The following TMA16 variants were observed in gnomAD, a reference collection of about 807,000 sequenced individuals.
The protein encoded by TMA16 is translation machinery-associated protein 16.
Under a neutral mutation model 27.1 loss-of-function variants are expected in TMA16, and 26 were observed. The ratio of observed to expected loss-of-function variants is 0.96; its 90% CI spans 0.70 to 1.33. The LOEUF is 1.33. Among genes scored for constraint, TMA16 ranks in the 40% most tolerant of loss-of-function variants. The pLI is 0.00. For missense variants in TMA16, 233 were observed against 241.4 expected (o/e 0.97, Z 0.23); for synonymous variants, 71 against 81.9 (o/e 0.87, Z 0.72).
intron 1 of TMA16, among the ~76,000 whole-genome samples, chr4:163,498,263 T>TAACAGA (rs1553986601): frequency 2.7e-5 from 4 of 149,566 alleles, no homozygotes; most frequent in Non-Finnish European, 5.9e-5. Context: ...TAGAATAAAT[T>TAACAGA]AATAGAATTT....
Position 163,519,411 on chromosome 4 carries a change from C to T in TMA16, c.509C>T (p.Thr170Met), listed in dbSNP as rs748728577. 12 of 1,605,156 alleles carry T rather than the reference C, an allele frequency of 7.5e-6. No homozygotes were observed. The highest frequency in any genetic ancestry group is 1.7e-5 in the Admixed American group (1 of 58,118). Residue 170 changes from threonine (T) to methionine (M), a missense_variant, in exon 7 of 7, where the codon ACG becomes ATG. Thr to Met is a moderately conservative substitution (Grantham distance 81). Coordinates refer to ENST00000358572, the MANE Select transcript of TMA16 (RefSeq NM_018352.3). The stretch of plus-strand genomic sequence containing the variant: ...TGCGCTAATGATGCAATTCCCAAGA[C>T]GTGCAAGAGGAAAACTATTATAACT... ...KICANDAIPK[T>M]CKRKTIITVD...
At chr4:163,511,155 C>A (rs190608298) in intron 2 of TMA16, among the ~76,000 whole-genome samples, 1 of 151,960 alleles carries the variant, frequency 6.6e-6, no homozygotes, top group Non-Finnish European at 1.5e-5. Context: ...AGTGATAGTA[C>A]CATTTTACAT....
intron 6 of TMA16, among the ~76,000 whole-genome samples, chr4:163,518,696 A>G (rs183378531): frequency 6.6e-6 from 1 of 152,254 alleles, no homozygotes; most frequent in African/African-American, 2.4e-5. Flanking sequence ...GAATTCATCT[A>G]TCATGTTTAA....
rs1737943767 is a variant in TMA16, at chr4:163,519,927, A to G, written c.*413A>G. On this transcript the variant is annotated 3_prime_UTR_variant, in exon 7 of 7. Transcript: ENST00000358572. ...ATAATAGCAAAATTGTTTTTCGGTA[A>G]TAATATCACACTAATGCTTCTTTTA... 1.8e-6 allele frequency: 1 copy of G among 562,010 alleles called. No individual in the cohort carries two copies. The highest frequency in any genetic ancestry group is 3.2e-6 in the Non-Finnish European group (1 of 315,500). The allele number at this position is 562,010 out of a possible 1,614,324, so 34.8% of individuals were successfully genotyped here.
chr4:163,498,675 T>C (rs544795039), intron 1 of TMA16, among the ~76,000 whole-genome samples: 2 of 152,144 alleles, frequency 1.3e-5, no homozygotes, highest in South Asian at 4.1e-4. Context: ...ATTAAAAAAC[T>C]TTTTTTAGAG....
At chr4:163,496,157 T>G (rs1476848583) in intron 1 of TMA16, among the ~76,000 whole-genome samples, 2 of 152,164 alleles carry the variant, frequency 1.3e-5, no homozygotes, top group East Asian at 3.9e-4. Context: ...ATAACCTCAT[T>G]AGTGGTTTTG....
At chr4:163,509,740 T>G (rs768027037) in intron 2 of TMA16, among the ~76,000 whole-genome samples, 3 of 152,234 alleles carry the variant, frequency 2.0e-5, no homozygotes, top group Non-Finnish European at 4.4e-5. Context: ...CTAGGATGGT[T>G]TGAAGACTAG....
intron 6 of TMA16, among the ~76,000 whole-genome samples, chr4:163,518,360 G>A (rs1009958969): frequency 1.4e-4 from 22 of 152,146 alleles, no homozygotes; most frequent in African/African-American, 5.3e-4. Flanking sequence ...TCAAGCAATT[G>A]CAGTAAAAAC....
intron 1 of TMA16, among the ~76,000 whole-genome samples, chr4:163,498,366 C>A (rs922144083): frequency 2.0e-5 from 3 of 149,150 alleles, no homozygotes; most frequent in Non-Finnish European, 4.4e-5. Flanking sequence ...CGGCTCACTG[C>A]AAGCTCTGCC....
chr4:163,513,423 C>T (rs941115446), intron 3 of TMA16, among the ~76,000 whole-genome samples: 2 of 152,024 alleles, frequency 1.3e-5, no homozygotes, highest in Non-Finnish European at 2.9e-5. Flanking sequence ...TGTACAGGGC[C>T]GGGTGATTTT....
At chr4:163,506,979 C>T in intron 1 of TMA16, 54 bp from the exon 2 acceptor site, 3 of 1,366,882 alleles carry the variant, frequency 2.2e-6, no homozygotes, top group Non-Finnish European at 3.0e-6. Context: ...ATTTTTGGGA[C>T]TGAAGGCACT....
At chr4:163,510,580 G>A (rs779602338) in intron 2 of TMA16, among the ~76,000 whole-genome samples, 6 of 151,994 alleles carry the variant, frequency 3.9e-5, no homozygotes, top group Non-Finnish European at 7.4e-5. Context: ...CCTTTTATTG[G>A]GAGTATTATT....
At chr4:163,516,985 A>G (rs1579021021) in intron 5 of TMA16, 2 of 156,490 alleles carry the variant, frequency 1.3e-5, no homozygotes, top group South Asian at 1.9e-4. Context: ...TTTTGTTAAT[A>G]GCTTTGGTTT....
At chr4:163,495,310 A>C (rs1298178744) in intron 1 of TMA16, among the ~76,000 whole-genome samples, 1 of 152,180 alleles carries the variant, frequency 6.6e-6, no homozygotes, top group Admixed American at 6.5e-5. Context: ...TTTTATTAAA[A>C]ACTGAGTAGA....
At chr4:163,515,012 G>A (rs1337446232) in intron 4 of TMA16, among the ~76,000 whole-genome samples, 1 of 152,072 alleles carries the variant, frequency 6.6e-6, no homozygotes, top group Non-Finnish European at 1.5e-5. Flanking sequence ...GTGGGGACAG[G>A]GTGATGACAA....
chr4:163,497,307 C>T (rs1005571737), intron 1 of TMA16, among the ~76,000 whole-genome samples: 6 of 152,144 alleles, frequency 3.9e-5, no homozygotes, highest in African/African-American at 1.4e-4. Context: ...TGGAAATCTA[C>T]CTAGTATACC....
Position 163,518,495 on chromosome 4 carries a change from T to TCCA in TMA16, c.432-839_432-838insCCA, listed in dbSNP as rs200861007. On this transcript the variant is annotated intron_variant, in intron 6 of 6. Transcript: ENST00000358572. The stretch of plus-strand genomic sequence containing the variant: ...TTGTATTCAACAAAGGCCTAATATC[T>TCCA]GGAATCTATAAGAAACAAATGAATC... Among the ~76,000 whole-genome samples the TCCA allele has an allele frequency of 9.3e-3, 1,411 of 152,282 alleles. 22 individuals are homozygous for TCCA. Among genetic ancestry groups the TCCA allele is most frequent in the East Asian group, 0.067 (347 of 5,188 alleles).
At chr4:163,513,527 A>G (rs558415097) in intron 3 of TMA16, among the ~76,000 whole-genome samples, 12 of 152,260 alleles carry the variant, frequency 7.9e-5, no homozygotes, top group Admixed American at 7.2e-4. Context: ...TTGGTAATAT[A>G]TATCAATTAC....
rs1303062257 is a variant in TMA16, at chr4:163,520,074, A to C, written c.*560A>C. The C allele has an allele frequency of 1.6e-5, 9 of 571,272 alleles. No individual in the cohort carries two copies. In the East Asian group the frequency reaches 2.6e-4, roughly 16 times the overall value. The allele number at this position is 571,272 out of a possible 1,614,324, so 35.4% of individuals were successfully genotyped here. Reference sequence around the variant, plus strand: ...ACCAGAGCTAAATGGTAAAAGAAAAAAAATCAGTGATGATTGTTATGTTGA... The same window carrying C: ...ACCAGAGCTAAATGGTAAAAGAAAACAAATCAGTGATGATTGTTATGTTGA... On this transcript the variant is annotated 3_prime_UTR_variant, in exon 7 of 7. Coordinates refer to ENST00000358572, the MANE Select transcript of TMA16 (RefSeq NM_018352.3).
Sources: allele counts gnomAD v4.1 joint callset (sites outside exome capture counted in the v4.1 genomes callset), GRCh38; gene constraint gnomAD v4.1.1; transcripts MANE v1.5; gene names NCBI Gene and HGNC (gene_info 2026-07-23, HGNC 2026-07-21).